Variants in DDR2 observed in about 807,000 individuals in gnomAD.
DDR2 encodes the protein discoidin domain-containing receptor 2.
Under a neutral mutation model 94.9 loss-of-function variants are expected in DDR2, and 27 were observed. That is an observed-to-expected ratio of 0.28 (90% CI 0.21 to 0.39). DDR2 has a LOEUF of 0.39. DDR2 is among the 10% of genes least tolerant of loss of function. The pLI is 1.00. For missense variants in DDR2, 783 were observed against 1,076.0 expected (o/e 0.73, Z 3.81); for synonymous variants, 382 against 377.2 (o/e 1.01, Z -0.15).
intron 13 of DDR2, among the ~76,000 whole-genome samples, chr1:162,772,720 A>G (rs1704763): frequency 0.96 from 145,372 of 152,208 alleles, 69,785 homozygotes; most frequent in East Asian, 1. Context: ...TCACCAACTA[A>G]GATAAGGAGG....
At chr1:162,664,057 G>A (rs918756314) in intron 2 of DDR2, among the ~76,000 whole-genome samples, 28 of 152,154 alleles carry the variant, frequency 1.8e-4, no homozygotes, top group African/African-American at 6.5e-4. Context: ...AAGGGGGCTG[G>A]AGTACTGATC....
intron 9 of DDR2, 144 bp downstream of exon 9, chr1:162,761,598 G>T: frequency 7.5e-7 from 1 of 1,335,840 alleles, no homozygotes; most frequent in Non-Finnish European, 1.0e-6. Flanking sequence ...TGAATCCTTT[G>T]TGTGACTAGT....
At chr1:162,774,107 C>T (rs1045734174) in intron 14 of DDR2, among the ~76,000 whole-genome samples, 7 of 151,338 alleles carry the variant, frequency 4.6e-5, no homozygotes, top group Non-Finnish European at 7.4e-5. Flanking sequence ...GGAAAATTAT[C>T]TATGAACCTC....
chr1:162,732,776 A>G (rs924562943), intron 3 of DDR2, among the ~76,000 whole-genome samples: 4 of 152,230 alleles, frequency 2.6e-5, no homozygotes, highest in Non-Finnish European at 4.4e-5. Flanking sequence ...TAGGACACTC[A>G]TTGACGGGGA....
At chr1:162,708,636 G>C in intron 2 of DDR2, among the ~76,000 whole-genome samples, 1 of 152,188 alleles carries the variant, frequency 6.6e-6, no homozygotes, top group East Asian at 1.9e-4. Flanking sequence ...CTGCTCTGCT[G>C]GTTCATAGGA....
chr1:162,766,147 C>T (rs1571311003), intron 10 of DDR2, 84 bp downstream of exon 10: 2 of 1,469,820 alleles, frequency 1.4e-6, no homozygotes, highest in East Asian at 4.5e-5. Flanking sequence ...AAAGCCCTGG[C>T]TGTGTGGGAG....
intron 2 of DDR2, among the ~76,000 whole-genome samples, chr1:162,655,793 A>C (rs767740005): frequency 2.0e-5 from 3 of 152,124 alleles, no homozygotes; most frequent in Non-Finnish European, 4.4e-5. Context: ...ATTTTTAACA[A>C]TTATTTTATA....
chr1:162,698,167 G>A (rs757729940), intron 2 of DDR2, among the ~76,000 whole-genome samples: 10 of 152,184 alleles, frequency 6.6e-5, no homozygotes, highest in Non-Finnish European at 1.2e-4. Context: ...GCTGACTGAA[G>A]GGAAAACAGA....
At chr1:162,643,727 T>C (rs765276125) in intron 1 of DDR2, among the ~76,000 whole-genome samples, 7 of 152,124 alleles carry the variant, frequency 4.6e-5, no homozygotes, top group Non-Finnish European at 8.8e-5. Flanking sequence ...GTGATCCACC[T>C]GCCTCGGCCT....
At chr1:162,708,515 G>C (rs1021584405) in intron 2 of DDR2, among the ~76,000 whole-genome samples, 4 of 152,168 alleles carry the variant, frequency 2.6e-5, no homozygotes, top group African/African-American at 9.7e-5. Context: ...TGAACTGGAA[G>C]GTTCTTGAGG....
At chr1:162,633,737 C>A (rs1459043663) in intron 1 of DDR2, among the ~76,000 whole-genome samples, 1 of 152,178 alleles carries the variant, frequency 6.6e-6, no homozygotes, top group Non-Finnish European at 1.5e-5. Context: ...AGAGAGGACG[C>A]CAATGGCGGC....
intron 11 of DDR2, 61 bp downstream of exon 11, chr1:162,767,420 T>A (rs1167270021): frequency 6.2e-7 from 1 of 1,601,652 alleles, no homozygotes; most frequent in Non-Finnish European, 8.5e-7. Context: ...TAAGCCACTG[T>A]TGTCCCAGGA....
intron 2 of DDR2, among the ~76,000 whole-genome samples, chr1:162,717,290 C>T (rs978446719): frequency 6.6e-6 from 1 of 152,172 alleles, no homozygotes; most frequent in Non-Finnish European, 1.5e-5. Context: ...CCCGCCTCGG[C>T]CTTCCAAAGT....
At chr1:162,640,543 A>T (rs947444706) in intron 1 of DDR2, among the ~76,000 whole-genome samples, 14 of 152,198 alleles carry the variant, frequency 9.2e-5, no homozygotes, top group Non-Finnish European at 1.8e-4. Flanking sequence ...AGTTTAATTT[A>T]AAAAATCTGC....
At chr1:162,756,723 C>T (rs1262013319) in intron 7 of DDR2, among the ~76,000 whole-genome samples, 1 of 152,120 alleles carries the variant, frequency 6.6e-6, no homozygotes, top group East Asian at 1.9e-4. Context: ...AGCTGCCATC[C>T]CCTGGGTGAA....
intron 14 of DDR2, 152 bp downstream of exon 14, chr1:162,773,748 G>A (rs1647361999): frequency 9.7e-7 from 1 of 1,036,010 alleles, no homozygotes; most frequent in Non-Finnish European, 1.4e-6. Flanking sequence ...TTATTCCGAT[G>A]GGGTCGGCAG....
chr1:162,731,776 G>T (rs567306134), intron 3 of DDR2, among the ~76,000 whole-genome samples: 33 of 152,252 alleles, frequency 2.2e-4, no homozygotes, highest in African/African-American at 7.9e-4. Context: ...ACCTTGGCTT[G>T]GCAGGATTAT....
intron 2 of DDR2, among the ~76,000 whole-genome samples, chr1:162,659,001 A>G (rs372890419): frequency 3.3e-5 from 5 of 152,260 alleles, no homozygotes; most frequent in African/African-American, 7.2e-5. Flanking sequence ...GGAGCGGTCT[A>G]GAGAATAACA....
chr1:162,697,086 A>C (rs920599890), intron 2 of DDR2, among the ~76,000 whole-genome samples: 3 of 152,140 alleles, frequency 2.0e-5, no homozygotes, highest in Non-Finnish European at 4.4e-5. Context: ...GAGTCTAATC[A>C]TGATCTTACT....
Sources: gnomAD v4.1 joint callset for allele counts (sites outside exome capture counted in the v4.1 genomes callset) on GRCh38, gnomAD v4.1.1 for gene constraint, MANE v1.5 for transcripts, NCBI Gene and HGNC (gene_info 2026-07-23, HGNC 2026-07-21) for gene names.